The following RSU1 variants were observed in gnomAD, a reference collection of about 807,000 sequenced individuals.
RSU1 encodes the protein rsu-1.
RSU1 carries 26 observed loss-of-function variants against 31.1 expected under a neutral mutation model. That is an observed-to-expected ratio of 0.84 (90% CI 0.61 to 1.16). RSU1 has a LOEUF of 1.16. RSU1 is among the 50% of genes most tolerant of loss of function. The pLI is 0.00. For missense variants in RSU1, 320 were observed against 339.1 expected (o/e 0.94, Z 0.44); for synonymous variants, 164 against 136.3 (o/e 1.20, Z -1.41).
chr10:16,593,795 G>A (rs761762142), intron 8 of RSU1, among the ~76,000 whole-genome samples: 9 of 152,198 alleles, frequency 5.9e-5, no homozygotes, highest in Non-Finnish European at 1.2e-4. Context: ...GCTTATGAGT[G>A]TTTAAGTCGA....
At chr10:16,801,769 C>G (rs924961592) in intron 2 of RSU1, among the ~76,000 whole-genome samples, 1 of 152,142 alleles carries the variant, frequency 6.6e-6, no homozygotes, top group East Asian at 1.9e-4. Context: ...ACATTAACAA[C>G]ATATTTCTAA....
At chr10:16,716,052 G>C (rs929323626) in intron 7 of RSU1, among the ~76,000 whole-genome samples, 1 of 152,208 alleles carries the variant, frequency 6.6e-6, no homozygotes, top group Admixed American at 6.5e-5. Flanking sequence ...AAAATCTCAT[G>C]TAAGTATATG....
At chr10:16,777,824 G>A (rs1056910072) in intron 3 of RSU1, among the ~76,000 whole-genome samples, 1 of 152,080 alleles carries the variant, frequency 6.6e-6, no homozygotes, top group African/African-American at 2.4e-5. Flanking sequence ...GGGCAGGAAG[G>A]AAAAGCAAAG....
chr10:16,712,301 A>T (rs1161358393), intron 7 of RSU1, among the ~76,000 whole-genome samples: 6 of 152,136 alleles, frequency 3.9e-5, no homozygotes, highest in Non-Finnish European at 8.8e-5. Flanking sequence ...CTGTGTTTTT[A>T]AATTTGAGAC....
chr10:16,760,532 A>AT (rs1837190432), intron 4 of RSU1, among the ~76,000 whole-genome samples: 1 of 151,782 alleles, frequency 6.6e-6, no homozygotes. Flanking sequence ...AAAAAAAAAA[A>AT]GAAAAGTGTA....
At position 16,667,550 on chromosome 10, in the gene RSU1, C is replaced by G. The variant is rs973550289; in HGVS notation, c.731+27473G>C. 2.0e-5 allele frequency among the ~76,000 whole-genome samples: 3 copies of G among 151,712 alleles called. No individual in the cohort carries two copies. The East Asian group carries it at 5.8e-4, about 29-fold the overall frequency. ...TCACCCAGGCTGGAGTGCACTGGTG[C>G]TATCTTGGCTCACTGCAACCTTTGC... is the stretch of plus-strand genomic sequence containing the variant. On this transcript the variant is annotated intron_variant, in intron 8 of 8. Coordinates refer to ENST00000345264, the MANE Select transcript of RSU1 (RefSeq NM_012425.4).
intron 8 of RSU1, among the ~76,000 whole-genome samples, chr10:16,657,618 A>C (rs1440320725): frequency 6.6e-6 from 1 of 151,660 alleles, no homozygotes; most frequent in African/African-American, 2.4e-5. Flanking sequence ...AGAATATTTT[A>C]TTATTCCTTT....
chr10:16,757,927 C>G (rs542925341), intron 4 of RSU1, among the ~76,000 whole-genome samples: 1 of 152,204 alleles, frequency 6.6e-6, no homozygotes, highest in Non-Finnish European at 1.5e-5. Flanking sequence ...AGGAAATCCA[C>G]GGTTAGACAG....
intron 8 of RSU1, among the ~76,000 whole-genome samples, chr10:16,639,973 T>C (rs187732026): frequency 7.9e-5 from 12 of 152,352 alleles, no homozygotes; most frequent in Admixed American, 7.8e-4. Flanking sequence ...AAAGGTTTCA[T>C]ATCAAAATTC....
rs1186507707 is a variant in RSU1, at chr10:16,645,989, T to C, written c.731+49034A>G. On this transcript the variant is annotated intron_variant, in intron 8 of 8. Coordinates refer to ENST00000345264, the MANE Select transcript of RSU1 (RefSeq NM_012425.4). ...GTGTATATATATGTGTATATACATATATGTGTATATATATGTGTATATACA... is the reference window on the plus strand; with the variant it reads ...GTGTATATATATGTGTATATACATACATGTGTATATATATGTGTATATACA... 2.2e-5 allele frequency among the ~76,000 whole-genome samples: 2 copies of C among 92,442 alleles called. 1 individual carries two copies. Among genetic ancestry groups the C allele is most frequent in the African/African-American group, 1.3e-4 (2 of 15,804 alleles). 60.6% of individuals were successfully genotyped at this position (92,442 alleles called of 152,430 possible). A position where few individuals can be genotyped will look rare whatever the true frequency, so the allele number is the denominator to read the frequency against.
intron 2 of RSU1, among the ~76,000 whole-genome samples, chr10:16,785,415 T>C (rs1461486730): frequency 7.0e-6 from 1 of 142,864 alleles, no homozygotes; most frequent in Non-Finnish European, 1.5e-5. Flanking sequence ...TCTATATATA[T>C]ATACATATAT....
chr10:16,704,182 T>C (rs1835849217), intron 7 of RSU1, among the ~76,000 whole-genome samples: 1 of 152,208 alleles, frequency 6.6e-6, no homozygotes, highest in Non-Finnish European at 1.5e-5. Flanking sequence ...TTTTAGATAC[T>C]ATCACAAGTT....
At chr10:16,611,094 G>C (rs1833884600) in intron 8 of RSU1, among the ~76,000 whole-genome samples, 1 of 152,212 alleles carries the variant, frequency 6.6e-6, no homozygotes, top group Admixed American at 6.5e-5. Context: ...CGCCCGGCTG[G>C]CTAGAGTGCA....
intron 2 of RSU1, among the ~76,000 whole-genome samples, chr10:16,785,816 G>T (rs1209043533): frequency 3.3e-5 from 5 of 152,054 alleles, no homozygotes; most frequent in Non-Finnish European, 7.4e-5. Flanking sequence ...AAGTCTGCCT[G>T]GCCTCTCCAT....
intron 2 of RSU1, among the ~76,000 whole-genome samples, chr10:16,788,051 C>T (rs1442637911): frequency 1.3e-5 from 2 of 152,140 alleles, no homozygotes; most frequent in Non-Finnish European, 1.5e-5. Flanking sequence ...GTCCACCAGA[C>T]AAAGCATTGC....
chr10:16,748,938 C>T (rs1022030576), intron 7 of RSU1, among the ~76,000 whole-genome samples: 1 of 151,156 alleles, frequency 6.6e-6, no homozygotes, highest in South Asian at 2.1e-4. Flanking sequence ...TGTCTTCTCC[C>T]GCTAGAACAT....
At chr10:16,803,573 C>A (rs948406695) in intron 2 of RSU1, among the ~76,000 whole-genome samples, 2 of 152,156 alleles carry the variant, frequency 1.3e-5, no homozygotes, top group African/African-American at 4.8e-5. Context: ...CACTGACCAA[C>A]TTCAAAACTT....
chr10:16,709,257 G>T (rs1232201331), intron 7 of RSU1, among the ~76,000 whole-genome samples: 1 of 144,876 alleles, frequency 6.9e-6, no homozygotes, highest in Non-Finnish European at 1.5e-5. Context: ...TTGGTTTTTT[G>T]TCCTTGCGAT....
chr10:16,729,228 A>G (rs546017886), intron 7 of RSU1, among the ~76,000 whole-genome samples: 2 of 152,364 alleles, frequency 1.3e-5, no homozygotes, highest in South Asian at 4.1e-4. Context: ...TTGCAATGAA[A>G]TGCAACACAT....
Sources: gnomAD v4.1 joint callset for allele counts (sites outside exome capture counted in the v4.1 genomes callset) on GRCh38, gnomAD v4.1.1 for gene constraint, MANE v1.5 for transcripts, NCBI Gene and HGNC (gene_info 2026-07-23, HGNC 2026-07-21) for gene names.